Variants in SCFD2 observed in about 807,000 individuals in gnomAD.
SCFD2 encodes sec1 family domain-containing protein 2.
Under a neutral mutation model 58.9 loss-of-function variants are expected in SCFD2, and 54 were observed. That is an observed-to-expected ratio of 0.92 (90% CI 0.74 to 1.15). The LOEUF (loss-of-function observed/expected upper bound fraction) is 1.15, where lower values mean the gene tolerates loss of function less well. Ranked by LOEUF, SCFD2 falls within the 50% of genes most tolerant of loss-of-function variation. The probability of loss-of-function intolerance (pLI) is 0.00; values close to 1 mark genes in which losing one functional copy is unlikely to be tolerated. For missense variants in SCFD2, 805 were observed against 836.6 expected (o/e 0.96, Z 0.47); for synonymous variants, 321 against 335.9 (o/e 0.96, Z 0.49).
At chr4:52,992,483 C>T (rs1168804331) in intron 5 of SCFD2, among the ~76,000 whole-genome samples, 1 of 152,134 alleles carries the variant, frequency 6.6e-6, no homozygotes, top group Admixed American at 6.5e-5. Flanking sequence ...TCTGCATGGC[C>T]GCCCATCGTC....
At chr4:53,052,032 T>C (rs1723202257) in intron 5 of SCFD2, among the ~76,000 whole-genome samples, 1 of 152,166 alleles carries the variant, frequency 6.6e-6, no homozygotes, top group African/African-American at 2.4e-5. Context: ...AAAAGCACAA[T>C]AGGGAATCTA....
At chr4:53,300,326 C>A (rs573212280) in intron 3 of SCFD2, among the ~76,000 whole-genome samples, 35 of 152,134 alleles carry the variant, frequency 2.3e-4, no homozygotes, top group African/African-American at 7.5e-4. Flanking sequence ...AGACTTTAAA[C>A]CAACAAAGAT....
intron 7 of SCFD2, among the ~76,000 whole-genome samples, chr4:52,904,788 G>A (rs1719306925): frequency 6.6e-6 from 1 of 152,216 alleles, no homozygotes; most frequent in Non-Finnish European, 1.5e-5. Context: ...TTAAGAGCTA[G>A]GCTTTGGAAT....
chr4:52,906,578 C>A lies in SCFD2; in HGVS notation c.1842+879G>T, dbSNP rs527634090. On this transcript the variant is annotated intron_variant, in intron 7 of 8. Coordinates refer to ENST00000401642, the MANE Select transcript of SCFD2 (RefSeq NM_152540.4). The stretch of plus-strand genomic sequence containing the variant: ...AACAGAAGTTGCTGAAAATTGGGAA[C>A]AGCAGGAAGGAGACCTGCAGGTCCG... Among the ~76,000 whole-genome samples, 18 of 152,296 alleles carry A rather than the reference C, an allele frequency of 1.2e-4. No individual in the cohort carries two copies. In the East Asian group the frequency reaches 1.9e-3, roughly 16 times the overall value.
chr4:53,341,503 G>A (rs1447738922), intron 2 of SCFD2, among the ~76,000 whole-genome samples: 1 of 152,198 alleles, frequency 6.6e-6, no homozygotes, highest in Non-Finnish European at 1.5e-5. Context: ...AAAGTGACAG[G>A]GAGAATGGAA....
intron 5 of SCFD2, among the ~76,000 whole-genome samples, chr4:52,992,559 C>T (rs527419651): frequency 3.3e-5 from 5 of 151,468 alleles, no homozygotes; most frequent in Admixed American, 1.3e-4. Context: ...TCTTCCCGGC[C>T]GCCATCCCCT....
At chr4:53,079,979 G>A (rs907633041) in intron 5 of SCFD2, among the ~76,000 whole-genome samples, 2 of 152,072 alleles carry the variant, frequency 1.3e-5, no homozygotes, top group African/African-American at 4.8e-5. Flanking sequence ...TCTTCACTAT[G>A]GGAATAGTTA....
intron 4 of SCFD2, among the ~76,000 whole-genome samples, chr4:53,156,608 G>A (rs1369742264): frequency 1.3e-5 from 2 of 152,190 alleles, no homozygotes; most frequent in Non-Finnish European, 2.9e-5. Flanking sequence ...TGAGGCAGGA[G>A]AATGGCATGA....
intron 4 of SCFD2, among the ~76,000 whole-genome samples, chr4:53,248,329 G>A (rs1200252954): frequency 1.3e-5 from 2 of 152,188 alleles, no homozygotes; most frequent in Non-Finnish European, 2.9e-5. Flanking sequence ...ACTGCAAGGT[G>A]GCAGCGAGGA....
intron 6 of SCFD2, among the ~76,000 whole-genome samples, chr4:52,913,334 C>T (rs1048712665): frequency 1.3e-5 from 2 of 152,152 alleles, no homozygotes; most frequent in African/African-American, 2.4e-5. Flanking sequence ...CTTGCATTAC[C>T]GCCTGAGTTC....
At chr4:52,904,410 G>A (rs1719296388) in intron 7 of SCFD2, among the ~76,000 whole-genome samples, 1 of 152,234 alleles carries the variant, frequency 6.6e-6, no homozygotes, top group South Asian at 2.1e-4. Flanking sequence ...AGAGCAGCAA[G>A]CGACAAGAAA....
chr4:53,347,817 A>G (rs762957644), intron 2 of SCFD2, among the ~76,000 whole-genome samples: 1 of 152,236 alleles, frequency 6.6e-6, no homozygotes, highest in Non-Finnish European at 1.5e-5. Context: ...CTTTCACCAA[A>G]AGGCATACAG....
chr4:53,365,082 A>T lies in SCFD2; in HGVS notation c.838+22T>A. On this transcript the variant is annotated intron_variant, in intron 1 of 8. Coordinates refer to ENST00000401642, the MANE Select transcript of SCFD2 (RefSeq NM_152540.4). The surrounding 1 kb of genome is among the most constrained non-coding windows in gnomAD (Gnocchi z 4.3). Reference sequence around the variant, plus strand: ...AGCAATGTGGGGAATGGTAATGAAGAACTCCAGAGCAATGCACTTACCTGT... The same window carrying T: ...AGCAATGTGGGGAATGGTAATGAAGTACTCCAGAGCAATGCACTTACCTGT... The T allele has an allele frequency of 6.3e-7, 1 of 1,598,008 alleles. No homozygotes were observed. Among genetic ancestry groups the T allele is most frequent in the Non-Finnish European group, 8.5e-7 (1 of 1,172,968 alleles).
chr4:52,963,146 T>C (rs1303528796), intron 5 of SCFD2, among the ~76,000 whole-genome samples: 1 of 152,230 alleles, frequency 6.6e-6, no homozygotes, highest in Non-Finnish European at 1.5e-5. Flanking sequence ...AAGTACTCCA[T>C]TTCTATGAAG....
intron 4 of SCFD2, among the ~76,000 whole-genome samples, chr4:53,219,273 C>T (rs1179940940): frequency 1.3e-5 from 2 of 152,212 alleles, no homozygotes; most frequent in Non-Finnish European, 2.9e-5. Flanking sequence ...CTTGAGCTGC[C>T]GTTGGCTCCA....
At chr4:53,192,589 G>A (rs937543672) in intron 4 of SCFD2, among the ~76,000 whole-genome samples, 5 of 152,044 alleles carry the variant, frequency 3.3e-5, no homozygotes, top group East Asian at 3.9e-4. Flanking sequence ...AAATGGCAAC[G>A]ATACAAAAGA....
At chr4:53,096,160 C>T (rs1577722948) in intron 5 of SCFD2, among the ~76,000 whole-genome samples, 1 of 152,038 alleles carries the variant, frequency 6.6e-6, no homozygotes, top group Admixed American at 6.6e-5. Context: ...TATTTGTGAA[C>T]AGTGCCTCAA....
At chr4:53,204,995 C>A (rs1728363644) in intron 4 of SCFD2, among the ~76,000 whole-genome samples, 1 of 151,872 alleles carries the variant, frequency 6.6e-6, no homozygotes, top group Admixed American at 6.6e-5. Flanking sequence ...GCATTTTCAG[C>A]TTTTCAATAT....
intron 4 of SCFD2, among the ~76,000 whole-genome samples, chr4:53,265,719 TATAAA>T (rs1019676418): frequency 6.6e-6 from 1 of 152,184 alleles, no homozygotes; most frequent in Non-Finnish European, 1.5e-5. Context: ...TAAACATGCC[TATAAA>T]ATAATTGTTT....
Sources: gnomAD v4.1 joint callset for allele counts (sites outside exome capture counted in the v4.1 genomes callset) on GRCh38, gnomAD v4.1.1 for gene constraint, Gnocchi (gnomAD v3.1) non-coding constraint, MANE v1.5 for transcripts, NCBI Gene and HGNC (gene_info 2026-07-23, HGNC 2026-07-21) for gene names.